The following EIPR1 variants were observed in gnomAD, a reference collection of about 807,000 sequenced individuals.
EIPR1 encodes the protein EARP complex and GARP complex interacting protein 1, also known as EARP and GARP complex-interacting protein 1.
EIPR1 carries 25 observed loss-of-function variants against 48.1 expected under a neutral mutation model. The observed-to-expected ratio is 0.52, with a 90% CI of 0.38 to 0.73. The LOEUF (loss-of-function observed/expected upper bound fraction) is 0.73. Among genes scored for constraint, EIPR1 ranks in the 30% least tolerant of loss-of-function variants. The pLI is 0.00. For missense variants in EIPR1, 415 were observed against 506.2 expected (o/e 0.82, Z 1.73); for synonymous variants, 204 against 201.9 (o/e 1.01, Z -0.09).
chr2:3,352,555 T>A (rs1164243266), intron 2 of EIPR1, among the ~76,000 whole-genome samples: 7 of 152,268 alleles, frequency 4.6e-5, no homozygotes, highest in African/African-American at 1.4e-4. Context: ...TATGGCTTGA[T>A]GATCCAGATC....
At chr2:3,255,103 G>A (rs1391280590) in intron 4 of EIPR1, among the ~76,000 whole-genome samples, 1 of 151,992 alleles carries the variant, frequency 6.6e-6, no homozygotes, top group African/African-American at 2.4e-5. Context: ...GAACAACAGA[G>A]GCAAAATCAG....
At chr2:3,341,139 T>C (rs145005140) in intron 2 of EIPR1, among the ~76,000 whole-genome samples, 2,024 of 94,186 alleles carry the variant, frequency 0.021, 21 homozygotes, top group Middle Eastern at 0.038. Flanking sequence ...AACTCCACAA[T>C]AGAATGGGTA....
rs144891106 is a variant in EIPR1, at chr2:3,197,292, T to G, written c.517-275A>C. ...CTTGCAAGTATGTGATTAGAGATAATCAACTCGAACTTGAAGGAAAACAAT... is the reference window on the plus strand; with the variant it reads ...CTTGCAAGTATGTGATTAGAGATAAGCAACTCGAACTTGAAGGAAAACAAT... On this transcript the variant is annotated intron_variant, in intron 5 of 8. Coordinates refer to ENST00000382125, the MANE Select transcript of EIPR1 (RefSeq NM_003310.5). 1.0e-3 allele frequency among the ~76,000 whole-genome samples: 155 copies of G among 152,304 alleles called. 1 individual carries two copies. The highest frequency in any genetic ancestry group is 3.5e-3 in the African/African-American group (145 of 41,548).
Position 3,377,698 on chromosome 2 carries a change from G to A in EIPR1, c.-9C>T. The A allele has an allele frequency of 6.3e-7, 1 of 1,576,596 alleles. No individual in the cohort carries two copies. The highest frequency in any genetic ancestry group is 8.6e-7 in the Non-Finnish European group (1 of 1,160,760). Reference sequence around the variant, plus strand: ...GGTGCATCGTCCTCCATGCTGCGGGGAAGCGACCCGACCCCGGCCACTCAC... The same window carrying A: ...GGTGCATCGTCCTCCATGCTGCGGGAAAGCGACCCGACCCCGGCCACTCAC... On this transcript the variant is annotated 5_prime_UTR_variant, in exon 1 of 9. Transcript: ENST00000382125.
intron 4 of EIPR1, among the ~76,000 whole-genome samples, chr2:3,246,619 T>C (rs1286696816): frequency 1.3e-5 from 2 of 151,988 alleles, no homozygotes; most frequent in Non-Finnish European, 2.9e-5. Flanking sequence ...CTAGCCACCA[T>C]GCAGGTGACG....
chr2:3,266,706 G>T (rs945085815), intron 3 of EIPR1, among the ~76,000 whole-genome samples: 4 of 152,214 alleles, frequency 2.6e-5, no homozygotes, highest in African/African-American at 9.6e-5. Flanking sequence ...GGTGTCAGGG[G>T]CTCGCTGGCC....
intron 3 of EIPR1, among the ~76,000 whole-genome samples, chr2:3,327,550 G>C (rs1669735720): frequency 6.6e-6 from 1 of 152,192 alleles, no homozygotes; most frequent in African/African-American, 2.4e-5. Context: ...GAGATAGAGA[G>C]AAAAGGTCAC....
chr2:3,266,564 C>T (rs974252529), intron 3 of EIPR1, among the ~76,000 whole-genome samples: 1 of 152,228 alleles, frequency 6.6e-6, no homozygotes, highest in African/African-American at 2.4e-5. Flanking sequence ...GACACCAACT[C>T]TCTTATCCTC....
intron 3 of EIPR1, chr2:3,320,120 G>GGCA (rs1669478135): frequency 6.8e-6 from 1 of 148,130 alleles, no homozygotes; most frequent in South Asian, 1.1e-4. Flanking sequence ...ACCGCCCCTG[G>GGCA]GGGCAACACC....
At chr2:3,354,740 A>G in intron 1 of EIPR1, 107 bp from the exon 2 acceptor site, 1 of 1,120,610 alleles carries the variant, frequency 8.9e-7, no homozygotes. Context: ...TTGATAAAGT[A>G]TAAATTAGTA....
At chr2:3,211,742 A>T (rs1665463582) in intron 5 of EIPR1, among the ~76,000 whole-genome samples, 1 of 152,222 alleles carries the variant, frequency 6.6e-6, no homozygotes, top group Admixed American at 6.5e-5. Flanking sequence ...CGTGAACAGA[A>T]GGCAGAGGTG....
At chr2:3,245,550 G>C (rs1173348068) in intron 4 of EIPR1, among the ~76,000 whole-genome samples, 3 of 152,194 alleles carry the variant, frequency 2.0e-5, no homozygotes, top group Non-Finnish European at 4.4e-5. Flanking sequence ...AAACAAACTT[G>C]AAAGAAGACA....
At chr2:3,348,846 T>G in intron 2 of EIPR1, among the ~76,000 whole-genome samples, 1 of 152,212 alleles carries the variant, frequency 6.6e-6, no homozygotes, top group East Asian at 1.9e-4. Context: ...GGCTTCCGAC[T>G]GTGCAGGAGG....
At chr2:3,318,067 C>T (rs1669366956) in intron 3 of EIPR1, among the ~76,000 whole-genome samples, 1 of 152,234 alleles carries the variant, frequency 6.6e-6, no homozygotes, top group Middle Eastern at 3.2e-3. Flanking sequence ...CCTGCTGGGT[C>T]CCAGGCGCAC....
intron 4 of EIPR1, among the ~76,000 whole-genome samples, chr2:3,247,341 A>G (rs560572258): frequency 1.1e-4 from 17 of 152,312 alleles, no homozygotes; most frequent in African/African-American, 1.7e-4. Flanking sequence ...GTGAAGGTGC[A>G]TAACTCTTGA....
rs1039856155 is a variant in EIPR1 at position 3,326,641 on chromosome 2, G to T, written c.259+11376C>A. 4.6e-5 allele frequency among the ~76,000 whole-genome samples: 7 copies of T among 152,164 alleles called. 1 individual carries two copies. Among genetic ancestry groups the T allele is most frequent in the Admixed American group, 4.6e-4 (7 of 15,280 alleles). ...CAGAAGAAGCGAGACAGAGAAAGGG[G>T]GAAGAACCCATTCCGCGTCACACAC... On this transcript the variant is annotated intron_variant, in intron 3 of 8. Transcript: ENST00000382125.
intron 1 of EIPR1, among the ~76,000 whole-genome samples, chr2:3,369,680 G>C (rs545170792): frequency 6.6e-6 from 1 of 152,242 alleles, no homozygotes; most frequent in Non-Finnish European, 1.5e-5. Context: ...GCGAGGCTGG[G>C]GGAGGGGCGC....
intron 8 of EIPR1, among the ~76,000 whole-genome samples, chr2:3,190,121 G>A (rs868122874): frequency 6.6e-6 from 1 of 151,938 alleles, no homozygotes; most frequent in Non-Finnish European, 1.5e-5. Context: ...TTCCCACCTC[G>A]CCTCCCTTGA....
intron 5 of EIPR1, among the ~76,000 whole-genome samples, chr2:3,206,026 C>T (rs1465765860): frequency 6.6e-6 from 1 of 152,176 alleles, no homozygotes; most frequent in Non-Finnish European, 1.5e-5. Flanking sequence ...ATGCTGCCTT[C>T]TGGAGCACTA....
Sources: allele counts gnomAD v4.1 joint callset (sites outside exome capture counted in the v4.1 genomes callset), GRCh38; gene constraint gnomAD v4.1.1; transcripts MANE v1.5; gene names NCBI Gene and HGNC (gene_info 2026-07-23, HGNC 2026-07-21).